Variants in D2HGDH observed in about 807,000 individuals in gnomAD.
D2HGDH encodes the protein D-2-hydroxyglutarate dehydrogenase, mitochondrial.
Under a neutral mutation model 46.9 loss-of-function variants are expected in D2HGDH, and 31 were observed. The observed-to-expected ratio is 0.66, with a 90% CI of 0.50 to 0.89. The LOEUF is 0.89. Ranked by LOEUF, D2HGDH falls within the 40% of genes least tolerant of loss-of-function variation. The pLI is 0.00. For missense variants in D2HGDH, 698 were observed against 720.8 expected (o/e 0.97, Z 0.36); for synonymous variants, 364 against 332.6 (o/e 1.09, Z -1.03).
rs147390667 is a variant in D2HGDH at position 241,741,385 on chromosome 2, C to A, written c.350+295C>A. Among the ~76,000 whole-genome samples, 1,921 of 152,362 alleles carry A rather than the reference C, an allele frequency of 0.013. 96 individuals carry two copies. In the East Asian group the frequency reaches 0.14, roughly 11 times the overall value. On this transcript the variant is annotated intron_variant, in intron 3 of 9. Coordinates refer to ENST00000321264, the MANE Select transcript of D2HGDH (RefSeq NM_152783.5). Reference sequence around the variant, plus strand: ...GGCACTGGTCTCCGGGTGTCCATGACTGTGGACAGTGCTTTAGATCATCCT... The same window carrying A: ...GGCACTGGTCTCCGGGTGTCCATGAATGTGGACAGTGCTTTAGATCATCCT...
Position 241,742,333 on chromosome 2 carries a change from A to G in D2HGDH, c.351-102A>G. 2 of 1,437,010 alleles carry G rather than the reference A, an allele frequency of 1.4e-6. No homozygotes were observed. The highest frequency in any genetic ancestry group is 2.7e-5 in the South Asian group (2 of 74,546). 89.0% of individuals were successfully genotyped at this position (1,437,010 alleles called of 1,614,324 possible). On this transcript the variant is annotated intron_variant, in intron 3 of 9. Coordinates refer to ENST00000321264, the MANE Select transcript of D2HGDH (RefSeq NM_152783.5). This position sits in a 1 kb window ranked among gnomAD's most constrained non-coding sequence, Gnocchi z 4.8. The stretch of plus-strand genomic sequence containing the variant: ...GCTGAGGCTGCAGGCAGGGCAGGGT[A>G]ATCAGGATTTGGAGTCAGGCACTGG...
chr2:241,742,284 T>G lies in D2HGDH; in HGVS notation c.351-151T>G. 1 of 1,036,294 alleles carries G rather than the reference T, an allele frequency of 9.6e-7. No individual in the cohort carries two copies. Among genetic ancestry groups the G allele is most frequent in the South Asian group, 1.6e-5 (1 of 60,676 alleles). 64.2% of individuals were successfully genotyped at this position (1,036,294 alleles called of 1,614,324 possible). ...CTGTCCTTCCTCAGAATCCCTCACA[T>G]GCGTGGGCTGGGGAGGAGCCCCCGC... On this transcript the variant is annotated intron_variant, in intron 3 of 9. Transcript: ENST00000321264. This position sits in a 1 kb window ranked among gnomAD's most constrained non-coding sequence, Gnocchi z 4.8.
intron 2 of D2HGDH, among the ~76,000 whole-genome samples, chr2:241,736,863 G>T (rs1339640530): frequency 2.0e-5 from 3 of 151,630 alleles, no homozygotes; most frequent in African/African-American, 7.3e-5. Flanking sequence ...GTTTCACCAT[G>T]TTGACCACGC....
At chr2:241,737,263 C>T (rs913141736) in intron 2 of D2HGDH, among the ~76,000 whole-genome samples, 43 of 152,252 alleles carry the variant, frequency 2.8e-4, no homozygotes, top group African/African-American at 1.0e-3. Flanking sequence ...AGCCACCATG[C>T]CCAGCCCCAT....
At chr2:241,745,377 C>A (rs1312882328) in intron 6 of D2HGDH, among the ~76,000 whole-genome samples, 2 of 152,238 alleles carry the variant, frequency 1.3e-5, no homozygotes, top group Admixed American at 1.3e-4. Flanking sequence ...TCTCCTGGGA[C>A]CTGCCTGCGG....
intron 8 of D2HGDH, chr2:241,755,323 C>T (rs1575311828): frequency 6.1e-6 from 8 of 1,303,654 alleles, no homozygotes; most frequent in Middle Eastern, 2.1e-4. Flanking sequence ...CTTGAGCTGC[C>T]TGGGCCCTGC....
intron 6 of D2HGDH, among the ~76,000 whole-genome samples, chr2:241,748,546 G>T (rs1696471793): frequency 1.3e-5 from 2 of 152,204 alleles, no homozygotes; most frequent in African/African-American, 2.4e-5. Flanking sequence ...CCCCAATCAG[G>T]CCTTGCCCGC....
chr2:241,740,680 C>G (rs754739870), intron 2 of D2HGDH, among the ~76,000 whole-genome samples: 1 of 152,234 alleles, frequency 6.6e-6, no homozygotes, highest in African/African-American at 2.4e-5. Flanking sequence ...GGCATGGTGG[C>G]TCATGCCTGT....
chr2:241,765,136 C>G (rs1699169859), intron 9 of D2HGDH, among the ~76,000 whole-genome samples: 2 of 152,204 alleles, frequency 1.3e-5, no homozygotes, highest in Non-Finnish European at 2.9e-5. Flanking sequence ...CTGGGCGCCA[C>G]TGCGGACCCC....
chr2:241,740,595 C>T (rs995029417), intron 2 of D2HGDH, among the ~76,000 whole-genome samples: 6 of 152,242 alleles, frequency 3.9e-5, no homozygotes, highest in African/African-American at 1.2e-4. Flanking sequence ...TCATAGCTCA[C>T]TGCAGCCTTG....
chr2:241,765,140 G>C (rs920228706), intron 9 of D2HGDH, among the ~76,000 whole-genome samples: 1 of 152,326 alleles, frequency 6.6e-6, no homozygotes, highest in East Asian at 1.9e-4. Flanking sequence ...GCGCCACTGC[G>C]GACCCCTCCA....
chr2:241,742,508 G>A lies in D2HGDH; in HGVS notation c.424G>A (p.Val142Ile), dbSNP rs143231454. 182 of 1,613,962 alleles carry A rather than the reference G, an allele frequency of 1.1e-4. 2 individuals carry two copies. Among genetic ancestry groups the A allele is most frequent in the African/African-American group, 2.4e-4 (18 of 74,900 alleles). Residue 142 changes from valine (V) to isoleucine (I), a missense_variant, in exon 4 of 10, where the codon GTC becomes ATC. Val to Ile is a conservative substitution (Grantham distance 29, BLOSUM62 3). Coordinates refer to ENST00000321264, the MANE Select transcript of D2HGDH (RefSeq NM_152783.5). The surrounding 1 kb of genome is among the most constrained non-coding windows in gnomAD (Gnocchi z 4.8). ...NTGMVGGSVP[V>I]FDEIILSTAR... The stretch of plus-strand genomic sequence containing the variant: ...AGGCATGGTGGGTGGCAGCGTCCCC[G>A]TCTTTGACGAGATCATCCTCTCCAC...
intron 8 of D2HGDH, among the ~76,000 whole-genome samples, chr2:241,753,957 G>C (rs745956213): frequency 2.0e-5 from 3 of 152,262 alleles, no homozygotes; most frequent in Non-Finnish European, 4.4e-5. Flanking sequence ...GTGCCGGGGA[G>C]TGCCGGGAGG....
intron 8 of D2HGDH, chr2:241,755,349 C>T (rs867219450): frequency 3.1e-6 from 4 of 1,304,000 alleles, no homozygotes; most frequent in Admixed American, 2.3e-5. Context: ...TCCCCACTGC[C>T]TGTGTGACTC....
At chr2:241,746,887 C>CAA (rs148116391) in intron 6 of D2HGDH, among the ~76,000 whole-genome samples, 48 of 68,580 alleles carry the variant, frequency 7.0e-4, no homozygotes, top group African/African-American at 1.7e-3. Flanking sequence ...GACTCCATCT[C>CAA]AAAAAAAAAA....
chr2:241,735,172 C>T lies in D2HGDH; in HGVS notation c.-53C>T. The T allele has an allele frequency of 7.6e-6, 11 of 1,455,582 alleles. No homozygotes were observed. Among genetic ancestry groups the T allele is most frequent in the Non-Finnish European group, 9.9e-6 (11 of 1,115,330 alleles). The allele number at this position is 1,455,582 out of a possible 1,614,324, so 90.2% of individuals were successfully genotyped here. On this transcript the variant is annotated 5_prime_UTR_variant, in exon 2 of 10. Coordinates refer to ENST00000321264, the MANE Select transcript of D2HGDH (RefSeq NM_152783.5). ...GCTCCCTGCCCTTCCCCTCCGGGCC[C>T]TGAGTACCGGCCCCCCACCAAGGAG...
chr2:241,749,312 G>A (rs1000670279), intron 6 of D2HGDH: 1 of 1,288,490 alleles, frequency 7.8e-7, no homozygotes, highest in Non-Finnish European at 1.0e-6. Context: ...TCTGCCCCCA[G>A]CCTCTGCGCC....
intron 2 of D2HGDH, among the ~76,000 whole-genome samples, chr2:241,738,248 G>A (rs892356379): frequency 3.9e-5 from 6 of 152,200 alleles, no homozygotes; most frequent in Non-Finnish European, 7.3e-5. Flanking sequence ...GTGGGCTCAC[G>A]AATGTTGTCC....
rs370380075 is a variant in D2HGDH, at chr2:241,743,600, G to A, written c.491-22G>A. ...GGCCCACTGGAAGCCAAGTGCTGCG[G>A]CAGCCTGGTCACTCTCTGCAGGAAT... On this transcript the variant is annotated intron_variant, in intron 4 of 9. Coordinates refer to ENST00000321264, the MANE Select transcript of D2HGDH (RefSeq NM_152783.5). This position sits in a 1 kb window ranked among gnomAD's most constrained non-coding sequence, Gnocchi z 4.8. 6.2e-7 allele frequency: 1 copy of A among 1,608,462 alleles called. No individual in the cohort carries two copies. The highest frequency in any genetic ancestry group is 1.3e-5 in the African/African-American group (1 of 74,828).
Sources: gnomAD v4.1 joint callset for allele counts (sites outside exome capture counted in the v4.1 genomes callset) on GRCh38, gnomAD v4.1.1 for gene constraint, Gnocchi (gnomAD v3.1) non-coding constraint, MANE v1.5 for transcripts, NCBI Gene and HGNC (gene_info 2026-07-23, HGNC 2026-07-21) for gene names.